Variants in OR6C2 observed in about 807,000 individuals in gnomAD.
OR6C2 encodes olfactory receptor family 6 subfamily C member 2, also known as olfactory receptor 6C2.
For missense variants in OR6C2, 435 were observed against 365.8 expected (o/e 1.19, Z -1.54); for synonymous variants, 146 against 134.2 (o/e 1.09, Z -0.61).
rs558212215 is a variant in OR6C2, at chr12:55,446,106, A to G, written c.-888+1947A>G. 2.7e-5 allele frequency among the ~76,000 whole-genome samples: 4 copies of G among 149,128 alleles called. No homozygotes were observed. The South Asian group carries it at 8.7e-4, about 32-fold the overall frequency. ...AGCATTGGATAAACACTACAGTAGT[A>G]ATTTCCTTCTTTCCTTCTTTCCTTC... On this transcript the variant is annotated intron_variant, in intron 1 of 1. Transcript: ENST00000641202.
Position 55,452,823 on chromosome 12 carries a change from G to A in OR6C2, c.610G>A (p.Ala204Thr), listed in dbSNP as rs1288556500. The change falls in exon 2 of 2, where the codon GCA becomes ACA. Residue 204 changes from alanine to threonine, a missense_variant. Transcript: ENST00000641202. ...GATGGTTATACTTATGGCTGTATTT[G>A]CACTCATTATCACCCTAGTTTGTGT... ...EQMVILMAVF[A>T]LIITLVCVIL... The A allele has an allele frequency of 2.5e-6, 4 of 1,613,612 alleles. No homozygotes were observed. The Admixed American group carries it at 5.0e-5, about 20-fold the overall frequency.
At chr12:55,447,621 T>C (rs538554036) in intron 1 of OR6C2, among the ~76,000 whole-genome samples, 1 of 152,298 alleles carries the variant, frequency 6.6e-6, no homozygotes, top group South Asian at 2.1e-4. Flanking sequence ...TTTCACTTAG[T>C]ATAACCTCTT....
chr12:55,453,209 C>T lies in OR6C2; in HGVS notation c.*57C>T. 1.6e-6 allele frequency: 2 copies of T among 1,234,648 alleles called. No individual in the cohort carries two copies. Among genetic ancestry groups the T allele is most frequent in the Non-Finnish European group, 2.3e-6 (2 of 872,948 alleles). The allele number at this position is 1,234,648 out of a possible 1,614,324, so 76.5% of individuals were successfully genotyped here. ...AGAAGGCTCCCTAAATGTCATCCTACAGCTTTTAACTTATTTCATTGCTTC... is the reference window on the plus strand; with the variant it reads ...AGAAGGCTCCCTAAATGTCATCCTATAGCTTTTAACTTATTTCATTGCTTC... On this transcript the variant is annotated 3_prime_UTR_variant, in exon 2 of 2. Coordinates refer to ENST00000641202, the MANE Select transcript of OR6C2 (RefSeq NM_054105.2).
chr12:55,450,077 C>A (rs76608646), intron 1 of OR6C2, among the ~76,000 whole-genome samples: 2 of 151,978 alleles, frequency 1.3e-5, no homozygotes, highest in Non-Finnish European at 2.9e-5. Flanking sequence ...TTACCAAGAA[C>A]CCTACATAGG....
rs1210229639 is a variant in OR6C2, at chr12:55,451,329, T to G, written c.-885T>G. On this transcript the variant is annotated splice_region_variant and 5_prime_UTR_variant, in exon 2 of 2. Transcript: ENST00000641202. ...GAACCCCCCACTATACTTCCCAGCCTCTGGTAAACATCCTTCTACTCTCTA... is the reference window on the plus strand; with the variant it reads ...GAACCCCCCACTATACTTCCCAGCCGCTGGTAAACATCCTTCTACTCTCTA... 6.6e-6 allele frequency: 1 copy of G among 151,850 alleles called. No homozygotes were observed. Among genetic ancestry groups the G allele is most frequent in the Non-Finnish European group, 1.5e-5 (1 of 67,942 alleles). 9.4% of individuals were successfully genotyped at this position (151,850 alleles called of 1,614,324 possible).
At chr12:55,448,643 C>CA (rs59178718) in intron 1 of OR6C2, among the ~76,000 whole-genome samples, 20,183 of 71,720 alleles carry the variant, frequency 0.28, 3,130 homozygotes, top group East Asian at 0.54. Flanking sequence ...CCATTCACTG[C>CA]AAAAAAAAAA....
At chr12:55,450,970 G>C (rs958719334) in intron 1 of OR6C2, among the ~76,000 whole-genome samples, 1 of 151,922 alleles carries the variant, frequency 6.6e-6, no homozygotes, top group Non-Finnish European at 1.5e-5. Flanking sequence ...GGACACAGAG[G>C]GTTAAAGCAT....
chr12:55,452,777 A>T lies in OR6C2; in HGVS notation c.564A>T (p.Ser188=). 1 of 1,613,880 alleles carries T rather than the reference A, an allele frequency of 6.2e-7. No homozygotes were observed. Among genetic ancestry groups the T allele is most frequent in the South Asian group, 1.1e-5 (1 of 91,078 alleles). ...GTCCTCTCCTAAAGATCTCATGCTC[A>T]GATACATGGGTAATAGAACAGATGG... ...DAGPLLKISC[S]DTWVIEQMVI... The change falls in exon 2 of 2, where the codon TCA becomes TCT. Residue 188 remains serine (S), a synonymous_variant. Coordinates refer to ENST00000641202, the MANE Select transcript of OR6C2 (RefSeq NM_054105.2).
At position 55,452,726 on chromosome 12, in the gene OR6C2, C is replaced by T. The variant is rs1871507429; in HGVS notation, c.513C>T (p.Ala171=). The change falls in exon 2 of 2, where the codon GCC becomes GCT. Residue 171 remains alanine (A), a synonymous_variant. Coordinates refer to ENST00000641202, the MANE Select transcript of OR6C2 (RefSeq NM_054105.2). ...AGCTCGAATTCTGTGACTCCAATGC[C>T]ATTGATCATTTTAGCTGTGATGCAG... The part of the protein sequence containing the change: ...GLQLEFCDSN[A]IDHFSCDAGP... 6.2e-7 allele frequency: 1 copy of T among 1,613,670 alleles called. No homozygotes were observed. Among genetic ancestry groups the T allele is most frequent in the African/African-American group, 1.3e-5 (1 of 74,894 alleles).
chr12:55,446,522 A>G (rs915173781), intron 1 of OR6C2, among the ~76,000 whole-genome samples: 1 of 152,204 alleles, frequency 6.6e-6, no homozygotes, highest in Non-Finnish European at 1.5e-5. Flanking sequence ...GCTAGGTGGA[A>G]GCATATCCTA....
intron 1 of OR6C2, among the ~76,000 whole-genome samples, chr12:55,445,814 G>A (rs1871351249): frequency 6.6e-6 from 1 of 152,118 alleles, no homozygotes; most frequent in African/African-American, 2.4e-5. Context: ...TGATGTCAAG[G>A]GCGGGCAACA....
chr12:55,447,869 G>T (rs990589956), intron 1 of OR6C2, among the ~76,000 whole-genome samples: 1 of 151,998 alleles, frequency 6.6e-6, no homozygotes, highest in African/African-American at 2.4e-5. Flanking sequence ...GGGATTACTG[G>T]ATCATATAGT....
rs780221299 is a variant in OR6C2 at position 55,452,655 on chromosome 12, G to A, written c.442G>A (p.Val148Met). 12 of 1,613,786 alleles carry A rather than the reference G, an allele frequency of 7.4e-6. No homozygotes were observed. The South Asian group carries it at 7.7e-5, about 10-fold the overall frequency. Residue 148 changes from valine (V) to methionine (M), a missense_variant, in exon 2 of 2, where the codon GTG (valine) becomes ATG (methionine). Coordinates refer to ENST00000641202, the MANE Select transcript of OR6C2 (RefSeq NM_054105.2). ...VCTLLVLCCW[V>M]AGLMIIVPPL... Reference sequence around the variant, plus strand: ...TACCTTATTAGTTCTCTGCTGTTGGGTGGCTGGCTTGATGATCATTGTTCC... The same window carrying A: ...TACCTTATTAGTTCTCTGCTGTTGGATGGCTGGCTTGATGATCATTGTTCC...
intron 1 of OR6C2, among the ~76,000 whole-genome samples, chr12:55,445,804 T>C (rs1871351065): frequency 1.3e-5 from 2 of 152,222 alleles, no homozygotes; most frequent in Admixed American, 6.5e-5. Context: ...GCTTAGATGA[T>C]GATGTCAAGG....
At chr12:55,446,360 G>T (rs763695478) in intron 1 of OR6C2, among the ~76,000 whole-genome samples, 4 of 152,064 alleles carry the variant, frequency 2.6e-5, no homozygotes, top group Non-Finnish European at 5.9e-5. Context: ...TGTTGGTCAG[G>T]CTGGTCTTGA....
chr12:55,451,168 A>G (rs1871461439), intron 1 of OR6C2, among the ~76,000 whole-genome samples, 159 bp from the exon 2 acceptor site: 1 of 152,072 alleles, frequency 6.6e-6, no homozygotes, highest in African/African-American at 2.4e-5. Context: ...TTGAGTTACA[A>G]ATAATTCAGT....
rs1250125433 is a variant in OR6C2 at position 55,452,032 on chromosome 12, G to A, written c.-182G>A. ...AAGGAGATATCCACTGCTCATATATGTGAAATTTAGAAAGGTTATTGGAAC... is the reference window on the plus strand; with the variant it reads ...AAGGAGATATCCACTGCTCATATATATGAAATTTAGAAAGGTTATTGGAAC... On this transcript the variant is annotated 5_prime_UTR_variant, in exon 2 of 2. In the 5' UTR this introduces an upstream ATG that the reference lacks. Transcript: ENST00000641202. 2 of 487,706 alleles carry A rather than the reference G, an allele frequency of 4.1e-6. No individual in the cohort carries two copies. The highest frequency in any genetic ancestry group is 7.2e-6 in the Non-Finnish European group (2 of 279,052). The allele number at this position is 487,706 out of a possible 1,614,324, so 30.2% of individuals were successfully genotyped here.
chr12:55,448,532 T>G (rs114008065), intron 1 of OR6C2, among the ~76,000 whole-genome samples: 2,556 of 134,470 alleles, frequency 0.019, 78 homozygotes, highest in African/African-American at 0.067. Context: ...TCCTGAGGGG[T>G]AATAGAATCA....
At chr12:55,447,844 T>C (rs1488490070) in intron 1 of OR6C2, among the ~76,000 whole-genome samples, 1 of 152,132 alleles carries the variant, frequency 6.6e-6, no homozygotes, top group Admixed American at 6.6e-5. Flanking sequence ...TAATTTTGCA[T>C]ATATACCAAC....
Sources: allele counts gnomAD v4.1 joint callset (sites outside exome capture counted in the v4.1 genomes callset), GRCh38; gene constraint gnomAD v4.1.1; transcripts MANE v1.5; gene names NCBI Gene and HGNC (gene_info 2026-07-23, HGNC 2026-07-21).